ZNF131: variants seen among roughly 807,000 people sequenced by gnomAD.
ZNF131 encodes the protein zinc finger and BTB domain containing 35, also known as zinc finger protein 131.
In ZNF131, 7 loss-of-function variants were observed where a neutral mutation model predicts 60.0. The observed-to-expected ratio is 0.12, with a 90% CI of 0.07 to 0.22. The LOEUF is 0.22. Among genes scored for constraint, ZNF131 ranks in the 10% least tolerant of loss-of-function variants. ZNF131 has a pLI of 1.00. For synonymous variants in ZNF131, 257 were observed against 253.2 expected, an observed-to-expected ratio of 1.01 and a Z score of -0.14; for missense variants, 493 against 740.9, an observed-to-expected ratio of 0.67 and a Z score of 3.88.
At chr5:43,159,695 C>CAAA (rs35599400) in intron 4 of ZNF131, among the ~76,000 whole-genome samples, 5,889 of 93,154 alleles carry the variant, frequency 0.063, 233 homozygotes, top group East Asian at 0.28. Context: ...TACTCTGTCT[C>CAAA]AAAAAAAAAA....
In ZNF131 at chr5:43,150,555, C is replaced by G. The variant is rs547178404; in HGVS notation, c.372-10694C>G. On this transcript the variant is annotated intron_variant, in intron 4 of 6. Transcript: ENST00000682664. ...CTGTAATCCCAGCACTTTGGGAGGCCGAGGCGGGCGGATCATCTGAGGTCA... is the reference window on the plus strand; with the variant it reads ...CTGTAATCCCAGCACTTTGGGAGGCGGAGGCGGGCGGATCATCTGAGGTCA... Among the ~76,000 whole-genome samples the G allele has an allele frequency of 1.8e-4, 28 of 151,832 alleles. 1 individual carries two copies. Among genetic ancestry groups the G allele is most frequent in the African/African-American group, 6.8e-4 (28 of 41,386 alleles).
chr5:43,162,969 C>CTTT lies in ZNF131; in HGVS notation c.1054+1054_1054+1056dup, dbSNP rs1205635519. Among the ~76,000 whole-genome samples, 12 of 64,924 alleles carry CTTT rather than the reference C, an allele frequency of 1.8e-4. 1 individual carries two copies. The South Asian group carries it at 4.6e-3, about 25-fold the overall frequency. 42.6% of individuals were successfully genotyped at this position (64,924 alleles called of 152,430 possible). A position where few individuals can be genotyped will look rare whatever the true frequency, so the allele number is the denominator to read the frequency against. ...TTTATACTTCTTTTCTTTTATTTGC[C>CTTT]TTTTTTTTTTTTTTTTTTGGCAGAT... On this transcript the variant is annotated intron_variant, in intron 5 of 6. Transcript: ENST00000682664.
At chr5:43,144,741 T>C (rs1747360526) in intron 4 of ZNF131, among the ~76,000 whole-genome samples, 1 of 152,134 alleles carries the variant, frequency 6.6e-6, no homozygotes, top group Non-Finnish European at 1.5e-5. Context: ...AAATATTTTA[T>C]CCTGTCTTAG....
At chr5:43,162,969 C>CTTTTTTTTTTTTTTTTTTTT (rs1205635519) in intron 5 of ZNF131, among the ~76,000 whole-genome samples, 27 of 64,924 alleles carry the variant, frequency 4.2e-4, no homozygotes, top group East Asian at 1.2e-3. Flanking sequence ...TTTTATTTGC[C>CTTTTTTTTTTTTTTTTTTTT]TTTTTTTTTT....
chr5:43,161,235 A>G lies in ZNF131; in HGVS notation c.372-14A>G, dbSNP rs903391. ...TCTTATAGATTTTTTAAACCCCTACATTATGTATTTCAGGAACAAAGAAAA... is the reference window on the plus strand; with the variant it reads ...TCTTATAGATTTTTTAAACCCCTACGTTATGTATTTCAGGAACAAAGAAAA... On this transcript the variant is annotated splice_polypyrimidine_tract_variant and intron_variant, in intron 4 of 6. Coordinates refer to ENST00000682664, the MANE Select transcript of ZNF131 (RefSeq NM_001330707.2). 0.27 allele frequency: 432,597 copies of G among 1,576,526 alleles called. 64,032 individuals carry two copies. The highest frequency in any genetic ancestry group is 0.64 in the East Asian group (28,584 of 44,596).
In ZNF131 at chr5:43,169,838, T is replaced by G. The variant is rs1327991863; in HGVS notation, c.1055-3480T>G. Among the ~76,000 whole-genome samples, 7 of 151,928 alleles carry G rather than the reference T, an allele frequency of 4.6e-5. No individual in the cohort carries two copies. The East Asian group carries it at 1.2e-3, about 25-fold the overall frequency. On this transcript the variant is annotated intron_variant, in intron 5 of 6. Coordinates refer to ENST00000682664, the MANE Select transcript of ZNF131 (RefSeq NM_001330707.2). ...CAGAGTCTGGCACTATCACCCAGACTGGAGTGCAATGGCGTGATCTAGGCT... is the reference window on the plus strand; with the variant it reads ...CAGAGTCTGGCACTATCACCCAGACGGGAGTGCAATGGCGTGATCTAGGCT...
At chr5:43,170,410 C>G (rs1750835420) in intron 5 of ZNF131, among the ~76,000 whole-genome samples, 2 of 152,186 alleles carry the variant, frequency 1.3e-5, no homozygotes, top group African/African-American at 4.8e-5. Flanking sequence ...CACCTTCCAT[C>G]CTGGAATCAT....
chr5:43,157,953 A>G (rs974875268), intron 4 of ZNF131, among the ~76,000 whole-genome samples: 5 of 152,182 alleles, frequency 3.3e-5, no homozygotes, highest in African/African-American at 1.2e-4. Context: ...TGAATTATTC[A>G]AGGCTTGTCT....
chr5:43,140,147 C>A (rs1020193351), intron 4 of ZNF131, among the ~76,000 whole-genome samples: 1 of 152,050 alleles, frequency 6.6e-6, no homozygotes, highest in Non-Finnish European at 1.5e-5. Flanking sequence ...CTGAGCCTGG[C>A]AAGGTTGTGG....
intron 5 of ZNF131, among the ~76,000 whole-genome samples, chr5:43,166,209 C>G (rs983338814): frequency 2.7e-4 from 41 of 152,328 alleles, no homozygotes; most frequent in African/African-American, 9.1e-4. Context: ...TAGTGTAGCA[C>G]TTTTAATTTC....
At chr5:43,142,035 T>G (rs1440532495) in intron 4 of ZNF131, among the ~76,000 whole-genome samples, 1 of 151,928 alleles carries the variant, frequency 6.6e-6, no homozygotes, top group Non-Finnish European at 1.5e-5. Flanking sequence ...CTCATCATTT[T>G]TTTTGGTTAA....
intron 3 of ZNF131, among the ~76,000 whole-genome samples, chr5:43,138,802 A>AT (rs933929612): frequency 1.6e-4 from 24 of 152,192 alleles, no homozygotes; most frequent in African/African-American, 5.5e-4. Flanking sequence ...GAGGTACTAA[A>AT]TTTTGTTTGC....
intron 4 of ZNF131, among the ~76,000 whole-genome samples, chr5:43,142,079 C>T (rs949840520): frequency 6.6e-6 from 1 of 151,426 alleles, no homozygotes; most frequent in Non-Finnish European, 1.5e-5. Flanking sequence ...CGGTGGCTCA[C>T]ACCTGTAATC....
intron 3 of ZNF131, among the ~76,000 whole-genome samples, chr5:43,127,587 A>G (rs563974694): frequency 2.6e-5 from 4 of 152,354 alleles, no homozygotes; most frequent in East Asian, 3.9e-4. Flanking sequence ...TGACGTGTAT[A>G]TAAATTTAGA....
At chr5:43,142,680 A>G (rs1747012911) in intron 4 of ZNF131, among the ~76,000 whole-genome samples, 3 of 138,588 alleles carry the variant, frequency 2.2e-5, no homozygotes, top group South Asian at 2.6e-4. Context: ...TCTCTCAGAC[A>G]TGATTTGTTT....
chr5:43,135,200 G>T (rs1483369777), intron 3 of ZNF131, among the ~76,000 whole-genome samples: 3 of 150,464 alleles, frequency 2.0e-5, no homozygotes, highest in Non-Finnish European at 3.0e-5. Flanking sequence ...GTTTCTCCAT[G>T]TTGAGGCTGG....
chr5:43,122,320 G>C, intron 2 of ZNF131, 143 bp downstream of exon 2: 1 of 1,040,902 alleles, frequency 9.6e-7, no homozygotes, highest in Non-Finnish European at 1.4e-6. Context: ...GTGTGCACTG[G>C]GACCAGATTG....
intron 3 of ZNF131, among the ~76,000 whole-genome samples, chr5:43,125,909 G>A (rs1322034634): frequency 6.6e-6 from 1 of 152,206 alleles, no homozygotes; most frequent in Admixed American, 6.5e-5. Flanking sequence ...ATTTAGGTCT[G>A]TGGCACACAC....
chr5:43,173,936 G>T (rs1751296049), intron 6 of ZNF131, among the ~76,000 whole-genome samples: 1 of 152,124 alleles, frequency 6.6e-6, no homozygotes, highest in African/African-American at 2.4e-5. Flanking sequence ...TTCTCAAAAT[G>T]TATTTAGGTG....
Sources: gnomAD v4.1 joint callset for allele counts (sites outside exome capture counted in the v4.1 genomes callset) on GRCh38, gnomAD v4.1.1 for gene constraint, MANE v1.5 for transcripts, NCBI Gene and HGNC (gene_info 2026-07-23, HGNC 2026-07-21) for gene names.